Variants in ESF1 observed in about 807,000 individuals in gnomAD.
The protein encoded by ESF1 is ESF1 homolog.
In ESF1, 58 loss-of-function variants were observed where a neutral mutation model predicts 92.0. The ratio of observed to expected loss-of-function variants is 0.63; its 90% confidence interval spans 0.51 to 0.78. The LOEUF is 0.78. Among genes scored for constraint, ESF1 ranks in the 30% least tolerant of loss-of-function variants. ESF1 has a pLI of 0.00. For synonymous variants in ESF1, 321 were observed against 313.7 expected, an observed-to-expected ratio of 1.02 and a Z score of -0.24; for missense variants, 922 against 989.1, an observed-to-expected ratio of 0.93 and a Z score of 0.91.
In ESF1 at chr20:13,769,867, A is replaced by C. The variant is rs758444688; in HGVS notation, c.1518+40T>G. The stretch of plus-strand genomic sequence containing the variant: ...AATATACAAAATCTCTTCATAAAGC[A>C]ATAGAGTCCAGCTACATATTTTTTA... On this transcript the variant is annotated intron_variant, in intron 7 of 13. Transcript: ENST00000617257. 10 of 1,228,696 alleles carry C rather than the reference A, an allele frequency of 8.1e-6. No individual in the cohort carries two copies. The Admixed American group carries it at 1.8e-4, about 22-fold the overall frequency. 76.1% of individuals were successfully genotyped at this position (1,228,696 alleles called of 1,614,324 possible). A position where few individuals can be genotyped will look rare whatever the true frequency, so the allele number is the denominator to read the frequency against.
At chr20:13,715,239 G>A in intron 13 of ESF1, 72 bp from the exon 14 acceptor site, 1 of 1,380,284 alleles carries the variant, frequency 7.2e-7, no homozygotes, top group South Asian at 1.8e-5. Context: ...GCCAGAAATG[G>A]GGCCAAATTT....
intron 9 of ESF1, among the ~76,000 whole-genome samples, chr20:13,745,474 T>C (rs1419766066): frequency 6.6e-6 from 1 of 152,218 alleles, no homozygotes; most frequent in African/African-American, 2.4e-5. Flanking sequence ...TTTTTAGAGA[T>C]GGAGTCTCGC....
At position 13,780,012 on chromosome 20, in the gene ESF1, G is replaced by T. The variant is rs116695256; in HGVS notation, c.637+2492C>A. ...CTTCACAGCACTTAAAAAGGCCCTT[G>T]CACACAGTAATTGCTGTAATAACTG... On this transcript the variant is annotated intron_variant, in intron 2 of 13. Transcript: ENST00000617257. Among the ~76,000 whole-genome samples the T allele has an allele frequency of 6.7e-3, 1,020 of 152,270 alleles. 18 individuals carry two copies. Among genetic ancestry groups the T allele is most frequent in the African/African-American group, 0.023 (966 of 41,544 alleles).
chr20:13,784,166 T>C (rs1473729534), intron 1 of ESF1, among the ~76,000 whole-genome samples: 2 of 152,106 alleles, frequency 1.3e-5, no homozygotes, highest in Non-Finnish European at 2.9e-5. Flanking sequence ...CAAAACATAC[T>C]AGAACATATA....
chr20:13,758,874 C>A (rs1463670263), intron 9 of ESF1, among the ~76,000 whole-genome samples: 1 of 152,094 alleles, frequency 6.6e-6, no homozygotes, highest in African/African-American at 2.4e-5. Flanking sequence ...AGGATACATT[C>A]CAGGACCCAC....
chr20:13,776,197 AT>A lies in ESF1; in HGVS notation c.710del (p.Asp237ValfsTer13). On this transcript the variant is annotated frameshift_variant, in exon 3 of 14. Transcript: ENST00000617257. LOFTEE classifies it high-confidence loss of function. ...CGCTTTCTGAATCTTCCTCCAGAGC[AT>A]CTTTGTCACACATTTCACCATCTGT... ...NSTDGEMCDK[D>X]ALEEDSESVS... The A allele has an allele frequency of 6.2e-7, 1 of 1,613,878 alleles. No homozygotes were observed.
chr20:13,783,130 T>C lies in ESF1; in HGVS notation c.11A>G (p.Lys4Arg), dbSNP rs1600300054. The C allele has an allele frequency of 6.3e-7, 1 of 1,595,150 alleles. No individual in the cohort carries two copies. Among genetic ancestry groups the C allele is most frequent in the East Asian group, 2.2e-5 (1 of 44,456 alleles). The change falls in exon 2 of 14, where the codon AAA (lysine) becomes AGA (arginine). Residue 4 changes from lysine (K) to arginine (R), a missense_variant. By Grantham distance (26) the Lys-to-Arg change is conservative (BLOSUM62 2). Coordinates refer to ENST00000617257, the MANE Select transcript of ESF1 (RefSeq NM_001276380.2). Reference sequence around the variant, plus strand: ...CCGCTGGTCACTCATTATTTCTTGTTTGGATGACATTTTTAATTCTTAATC... The same window carrying C: ...CCGCTGGTCACTCATTATTTCTTGTCTGGATGACATTTTTAATTCTTAATC... MSS[K>R]QEIMSDQRFR...
chr20:13,715,858 T>G (rs375433492), intron 13 of ESF1, among the ~76,000 whole-genome samples: 1 of 152,192 alleles, frequency 6.6e-6, no homozygotes, highest in African/African-American at 2.4e-5. Flanking sequence ...TGGAGATAGA[T>G]TGTAGCTTTA....
At chr20:13,731,639 C>G (rs1191826257) in intron 10 of ESF1, among the ~76,000 whole-genome samples, 1 of 152,086 alleles carries the variant, frequency 6.6e-6, no homozygotes, top group East Asian at 1.9e-4. Flanking sequence ...AGGGCTCTTA[C>G]CCCACGTGGT....
chr20:13,727,537 T>G (rs1264426814), intron 11 of ESF1, among the ~76,000 whole-genome samples: 1 of 152,184 alleles, frequency 6.6e-6, no homozygotes, highest in Non-Finnish European at 1.5e-5. Flanking sequence ...GGAGCAAGCC[T>G]TTTGGGGTTC....
intron 9 of ESF1, among the ~76,000 whole-genome samples, chr20:13,742,410 T>C (rs1003288826): frequency 6.6e-6 from 1 of 151,604 alleles, no homozygotes; most frequent in Non-Finnish European, 1.5e-5. Flanking sequence ...GAGATGGAGG[T>C]TGCAGTGCTG....
intron 9 of ESF1, among the ~76,000 whole-genome samples, chr20:13,747,262 A>C (rs1446275691): frequency 1.9e-4 from 3 of 15,682 alleles, no homozygotes; most frequent in Non-Finnish European, 3.7e-4. Context: ...GTTGTATATT[A>C]AAAAAAAAAA....
intron 10 of ESF1, among the ~76,000 whole-genome samples, chr20:13,730,452 C>T (rs980978823): frequency 7.3e-5 from 11 of 150,294 alleles, no homozygotes; most frequent in Non-Finnish European, 1.3e-4. Flanking sequence ...GGCACGATCT[C>T]GGCTCACTGC....
chr20:13,764,669 A>C (rs1979349454), intron 8 of ESF1, among the ~76,000 whole-genome samples: 1 of 152,174 alleles, frequency 6.6e-6, no homozygotes, highest in Non-Finnish European at 1.5e-5. Context: ...GTTACTAAGA[A>C]AATCACAAGG....
intron 9 of ESF1, among the ~76,000 whole-genome samples, chr20:13,757,558 C>A (rs1428326579): frequency 6.6e-6 from 1 of 152,084 alleles, no homozygotes; most frequent in African/African-American, 2.4e-5. Flanking sequence ...GCCACCATGC[C>A]CAGCTAATTT....
rs572187104 is a variant in ESF1 at position 13,767,001 on chromosome 20, T to C, written c.1519-77A>G. 1.3e-5 allele frequency: 18 copies of C among 1,374,150 alleles called. No homozygotes were observed. In the South Asian group the frequency reaches 2.0e-4, roughly 15 times the overall value. The allele number at this position is 1,374,150 out of a possible 1,614,324, so 85.1% of individuals were successfully genotyped here. Reference sequence around the variant, plus strand: ...CAAACTTGTTAAAGAATATATACTATTAACCTGGATGTTTAACAGTAAGTT... The same window carrying C: ...CAAACTTGTTAAAGAATATATACTACTAACCTGGATGTTTAACAGTAAGTT... On this transcript the variant is annotated intron_variant, in intron 7 of 13. Transcript: ENST00000617257.
At chr20:13,781,645 T>C (rs1388003457) in intron 2 of ESF1, among the ~76,000 whole-genome samples, 1 of 152,198 alleles carries the variant, frequency 6.6e-6, no homozygotes, top group East Asian at 1.9e-4. Context: ...GCGCCATCTC[T>C]TCACCAAAGT....
intron 9 of ESF1, among the ~76,000 whole-genome samples, chr20:13,743,713 G>A (rs1432736476): frequency 1.3e-5 from 2 of 152,132 alleles, no homozygotes. Context: ...TGGTTGCCAA[G>A]GGCTTTAGGG....
chr20:13,721,878 G>A (rs570957468), intron 11 of ESF1, among the ~76,000 whole-genome samples: 11 of 152,062 alleles, frequency 7.2e-5, no homozygotes, highest in African/African-American at 1.4e-4. Context: ...AATAATATAC[G>A]AATCTTAAGA....
Sources: gnomAD v4.1 joint callset for allele counts (sites outside exome capture counted in the v4.1 genomes callset) on GRCh38, gnomAD v4.1.1 for gene constraint, MANE v1.5 for transcripts, NCBI Gene and HGNC (gene_info 2026-07-23, HGNC 2026-07-21) for gene names.